Variants in NR3C2 observed in about 807,000 individuals in gnomAD.
NR3C2 encodes the protein nuclear receptor subfamily 3 group C member 2, also known as mineralocorticoid receptor.
A neutral mutation model predicts 86.4 loss-of-function variants in NR3C2; 15 were observed. The ratio of observed to expected loss-of-function variants is 0.17; its 90% CI spans 0.12 to 0.27. NR3C2 has a LOEUF of 0.27. Ranked by LOEUF, NR3C2 falls within the 10% of genes least tolerant of loss-of-function variation. The pLI, the probability that NR3C2 is intolerant of heterozygous loss-of-function variation, is 1.00. For missense variants in NR3C2, 960 were observed against 1,195.6 expected (o/e 0.80, Z 2.91); for synonymous variants, 458 against 450.5 (o/e 1.02, Z -0.21).
At chr4:148,353,370 C>T (rs1745392496) in intron 2 of NR3C2, among the ~76,000 whole-genome samples, 1 of 151,910 alleles carries the variant, frequency 6.6e-6, no homozygotes, top group South Asian at 2.1e-4. Context: ...TTTATCAAAA[C>T]CATCATAAGA....
intron 2 of NR3C2, among the ~76,000 whole-genome samples, chr4:148,272,988 T>C (rs766093177): frequency 2.0e-5 from 3 of 152,228 alleles, no homozygotes; most frequent in Non-Finnish European, 4.4e-5. Flanking sequence ...TGAAGTACCT[T>C]TGATCAGTCT....
intron 2 of NR3C2, among the ~76,000 whole-genome samples, chr4:148,413,802 G>A (rs767875911): frequency 6.6e-5 from 10 of 152,218 alleles, no homozygotes; most frequent in Admixed American, 3.3e-4. Context: ...AATACAAAGC[G>A]TAAGCAAGGA....
intron 2 of NR3C2, among the ~76,000 whole-genome samples, chr4:148,415,093 AT>A (rs1256309517): frequency 1.3e-5 from 2 of 152,216 alleles, no homozygotes; most frequent in Admixed American, 1.3e-4. Context: ...AACTCCTCCT[AT>A]TTACTCAGTT....
At chr4:148,335,004 C>T (rs1396414001) in intron 2 of NR3C2, among the ~76,000 whole-genome samples, 2 of 152,176 alleles carry the variant, frequency 1.3e-5, no homozygotes, top group African/African-American at 4.8e-5. Flanking sequence ...TCCCAATTTC[C>T]CCTTTGTATA....
chr4:148,170,687 A>T (rs967952994), intron 4 of NR3C2, among the ~76,000 whole-genome samples: 3 of 152,356 alleles, frequency 2.0e-5, no homozygotes, highest in African/African-American at 7.2e-5. Context: ...AAAATATTCC[A>T]TAAATATGTC....
chr4:148,160,960 T>A (rs1306334029), intron 4 of NR3C2, among the ~76,000 whole-genome samples: 1 of 152,184 alleles, frequency 6.6e-6, no homozygotes, highest in African/African-American at 2.4e-5. Flanking sequence ...AGGGGGCAAC[T>A]AAGTAATCTG....
chr4:148,302,385 C>A (rs1279147731), intron 2 of NR3C2, among the ~76,000 whole-genome samples: 1 of 84,620 alleles, frequency 1.2e-5, no homozygotes, highest in African/African-American at 4.6e-5. Flanking sequence ...CTATTAATGG[C>A]CTTTAATAAT....
chr4:148,193,048 C>A (rs1195522349), intron 4 of NR3C2, among the ~76,000 whole-genome samples: 1 of 152,196 alleles, frequency 6.6e-6, no homozygotes, highest in Non-Finnish European at 1.5e-5. Context: ...AATTCCTTCT[C>A]CTTGTGGAGT....
chr4:148,423,519 A>T (rs1749381108), intron 2 of NR3C2, among the ~76,000 whole-genome samples: 1 of 152,140 alleles, frequency 6.6e-6, no homozygotes, highest in South Asian at 2.1e-4. Flanking sequence ...ATCTTTGGTG[A>T]CAACTTTTAT....
chr4:148,250,948 CT>C (rs1319945756), intron 3 of NR3C2, among the ~76,000 whole-genome samples: 2 of 151,690 alleles, frequency 1.3e-5, no homozygotes, highest in African/African-American at 2.4e-5. Context: ...TTTTCTTTTT[CT>C]TTTTTTTGGG....
chr4:148,293,478 A>C (rs1741894181), intron 2 of NR3C2, among the ~76,000 whole-genome samples: 1 of 152,190 alleles, frequency 6.6e-6, no homozygotes, highest in Admixed American at 6.5e-5. Context: ...ACAAATGCTA[A>C]GTTTGGTTAG....
chr4:148,164,003 C>CG (rs1174378150), intron 4 of NR3C2, among the ~76,000 whole-genome samples: 2 of 152,160 alleles, frequency 1.3e-5, no homozygotes, highest in African/African-American at 4.8e-5. Flanking sequence ...AGAAGAGGAT[C>CG]GACAGCTAAA....
intron 3 of NR3C2, among the ~76,000 whole-genome samples, chr4:148,231,886 G>T (rs576751233): frequency 2.0e-5 from 3 of 152,048 alleles, no homozygotes; most frequent in Non-Finnish European, 4.4e-5. Context: ...TCCATTTCAA[G>T]AAACCACTTT....
intron 2 of NR3C2, among the ~76,000 whole-genome samples, chr4:148,389,043 T>C (rs1293434628): frequency 6.6e-6 from 1 of 152,244 alleles, no homozygotes; most frequent in Non-Finnish European, 1.5e-5. Flanking sequence ...ACACATGTTA[T>C]ACCTCAATTA....
chr4:148,348,285 T>C (rs1340014175), intron 2 of NR3C2, among the ~76,000 whole-genome samples: 1 of 152,150 alleles, frequency 6.6e-6, no homozygotes, highest in Non-Finnish European at 1.5e-5. Context: ...CAATATGCTC[T>C]GTCCTCCCAG....
chr4:148,319,136 C>A (rs1225868347), intron 2 of NR3C2, among the ~76,000 whole-genome samples: 1 of 151,338 alleles, frequency 6.6e-6, no homozygotes, highest in Non-Finnish European at 1.5e-5. Context: ...AATAGGGAGT[C>A]CTTTCCCCAT....
At chr4:148,376,669 G>C (rs1746697215) in intron 2 of NR3C2, among the ~76,000 whole-genome samples, 1 of 152,142 alleles carries the variant, frequency 6.6e-6, no homozygotes, top group Non-Finnish European at 1.5e-5. Flanking sequence ...TGGCAGTACA[G>C]GTAGTTCTGC....
chr4:148,121,538 A>G (rs966269712), intron 6 of NR3C2, among the ~76,000 whole-genome samples: 1 of 152,226 alleles, frequency 6.6e-6, no homozygotes, highest in Non-Finnish European at 1.5e-5. Context: ...ATTTTTAAAA[A>G]TTAAAAATGG....
At chr4:148,216,335 C>T (rs192436548) in intron 3 of NR3C2, among the ~76,000 whole-genome samples, 62 of 152,178 alleles carry the variant, frequency 4.1e-4, no homozygotes, top group African/African-American at 1.4e-3. Context: ...GGTCAACTGC[C>T]GAAGTCAAAA....
Sources: allele counts gnomAD v4.1 joint callset (sites outside exome capture counted in the v4.1 genomes callset), GRCh38; gene constraint gnomAD v4.1.1; transcripts MANE v1.5; gene names NCBI Gene and HGNC (gene_info 2026-07-23, HGNC 2026-07-21).